The following NTNG1 variants were observed in gnomAD, a reference collection of about 807,000 sequenced individuals.
The protein encoded by NTNG1 is netrin G1.
A neutral mutation model predicts 54.0 loss-of-function variants in NTNG1; 16 were observed. The observed-to-expected ratio is 0.30, with a 90% CI of 0.20 to 0.45. The LOEUF (loss-of-function observed/expected upper bound fraction) is 0.45. NTNG1 is among the 20% of genes least tolerant of loss of function. The pLI, the probability that NTNG1 is intolerant of heterozygous loss-of-function variation, is 1.00. For missense variants in NTNG1, 530 were observed against 678.7 expected, an observed-to-expected ratio of 0.78 and a Z score of 2.43; for synonymous variants, 255 against 263.1, an observed-to-expected ratio of 0.97 and a Z score of 0.30.
intron 2 of NTNG1, among the ~76,000 whole-genome samples, chr1:107,271,818 CTT>C (rs1664162533): frequency 1.3e-5 from 2 of 152,042 alleles, no homozygotes; most frequent in African/African-American, 2.4e-5. Flanking sequence ...ATCATGTTTG[CTT>C]CATGAATATA....
chr1:107,310,879 A>T (rs577845328), intron 2 of NTNG1, among the ~76,000 whole-genome samples: 37 of 152,206 alleles, frequency 2.4e-4, no homozygotes, highest in African/African-American at 8.7e-4. Flanking sequence ...AAAAAAAAAT[A>T]AATCCAAGAC....
chr1:107,266,535 C>T (rs1663747429), intron 2 of NTNG1, among the ~76,000 whole-genome samples: 2 of 151,858 alleles, frequency 1.3e-5, no homozygotes, highest in African/African-American at 2.4e-5. Flanking sequence ...GATCTAACTA[C>T]CTCTCACCTC....
chr1:107,200,715 G>C (rs1002617156), intron 2 of NTNG1, among the ~76,000 whole-genome samples: 1 of 151,742 alleles, frequency 6.6e-6, no homozygotes, highest in African/African-American at 2.4e-5. Flanking sequence ...ATGTAAAAGA[G>C]GGCTTGATTT....
intron 1 of NTNG1, among the ~76,000 whole-genome samples, 168 bp from the exon 2 acceptor site, chr1:107,147,901 G>A (rs1304264680): frequency 1.3e-5 from 2 of 152,132 alleles, no homozygotes; most frequent in Non-Finnish European, 2.9e-5. Context: ...TCCCCAATGT[G>A]AATGATTTCC....
chr1:107,306,862 T>C (rs1416684023), intron 2 of NTNG1, among the ~76,000 whole-genome samples: 1 of 152,216 alleles, frequency 6.6e-6, no homozygotes, highest in Non-Finnish European at 1.5e-5. Context: ...GCTACTTTAA[T>C]CTATCTGGGA....
At chr1:107,311,610 A>C (rs1412423471) in intron 2 of NTNG1, among the ~76,000 whole-genome samples, 1 of 152,064 alleles carries the variant, frequency 6.6e-6, no homozygotes, top group Admixed American at 6.6e-5. Context: ...TGATTATGTC[A>C]ATTCCCAGTG....
chr1:107,149,919 C>A (rs907061116), intron 2 of NTNG1, among the ~76,000 whole-genome samples: 1 of 152,058 alleles, frequency 6.6e-6, no homozygotes, highest in Admixed American at 6.6e-5. Flanking sequence ...GATAGTGAAA[C>A]TATTAATCAA....
chr1:107,227,820 T>A (rs550041901), intron 2 of NTNG1, among the ~76,000 whole-genome samples: 62 of 152,150 alleles, frequency 4.1e-4, no homozygotes, highest in Non-Finnish European at 7.5e-4. Flanking sequence ...TCTTGTTAAA[T>A]CTCATTCAAA....
chr1:107,198,870 G>C (rs1658528320), intron 2 of NTNG1, among the ~76,000 whole-genome samples: 1 of 151,814 alleles, frequency 6.6e-6, no homozygotes, highest in African/African-American at 2.4e-5. Context: ...CCTGTATTCT[G>C]TCTCTATTAA....
chr1:107,177,232 A>G (rs953819543), intron 2 of NTNG1, among the ~76,000 whole-genome samples: 2 of 152,174 alleles, frequency 1.3e-5, no homozygotes, highest in Non-Finnish European at 2.9e-5. Flanking sequence ...TTTCATTTGT[A>G]GCAAAATACT....
chr1:107,392,937 G>C (rs1557960860), intron 3 of NTNG1, among the ~76,000 whole-genome samples: 1 of 152,152 alleles, frequency 6.6e-6, no homozygotes, highest in Non-Finnish European at 1.5e-5. Flanking sequence ...GAATTGAGTT[G>C]AGCCTTGAAT....
chr1:107,178,293 TC>T (rs1656795199), intron 2 of NTNG1, among the ~76,000 whole-genome samples: 1 of 152,152 alleles, frequency 6.6e-6, no homozygotes, highest in Non-Finnish European at 1.5e-5. Context: ...TCAGATAAAT[TC>T]TTTTTTTCTT....
intron 3 of NTNG1, among the ~76,000 whole-genome samples, chr1:107,355,812 G>A (rs1224588452): frequency 6.6e-6 from 1 of 151,966 alleles, no homozygotes; most frequent in Non-Finnish European, 1.5e-5. Flanking sequence ...TCCAACCACC[G>A]CCACCCTCAA....
intron 2 of NTNG1, among the ~76,000 whole-genome samples, chr1:107,324,054 G>C (rs1341654007): frequency 6.6e-6 from 1 of 151,086 alleles, no homozygotes; most frequent in African/African-American, 2.4e-5. Flanking sequence ...TAAATAAACT[G>C]TTTTCATTTC....
chr1:107,344,046 A>G (rs1163895766), intron 3 of NTNG1, among the ~76,000 whole-genome samples: 1 of 151,976 alleles, frequency 6.6e-6, no homozygotes, highest in African/African-American at 2.4e-5. Context: ...TTAAACTTGG[A>G]GTCTAGAAAA....
intron 3 of NTNG1, among the ~76,000 whole-genome samples, chr1:107,363,806 T>C (rs1670429606): frequency 6.6e-6 from 1 of 152,242 alleles, no homozygotes; most frequent in African/African-American, 2.4e-5. Context: ...CATGCACATG[T>C]ATATTTCCTC....
chr1:107,200,800 A>G (rs1016063325), intron 2 of NTNG1, among the ~76,000 whole-genome samples: 1 of 151,802 alleles, frequency 6.6e-6, no homozygotes, highest in East Asian at 1.9e-4. Flanking sequence ...CATTCATTCA[A>G]CAAATATTTA....
At chr1:107,291,566 A>G (rs1665606067) in intron 2 of NTNG1, among the ~76,000 whole-genome samples, 1 of 152,224 alleles carries the variant, frequency 6.6e-6, no homozygotes, top group Non-Finnish European at 1.5e-5. Context: ...AGCATTTCAC[A>G]TAAAAGGAAA....
At chr1:107,325,025 C>T in intron 3 of NTNG1, 103 bp downstream of exon 3, 3 of 1,204,168 alleles carry the variant, frequency 2.5e-6, no homozygotes, top group Non-Finnish European at 3.5e-6. Context: ...TCTACTGCAA[C>T]GTTTTCTTCA....
Sources: allele counts gnomAD v4.1 joint callset (sites outside exome capture counted in the v4.1 genomes callset), GRCh38; gene constraint gnomAD v4.1.1; transcripts MANE v1.5; gene names NCBI Gene and HGNC (gene_info 2026-07-23, HGNC 2026-07-21).